The following DENND4C variants were observed in gnomAD, a reference collection of about 807,000 sequenced individuals.
The protein encoded by DENND4C is DENN domain containing 4C.
DENND4C carries 108 observed loss-of-function variants against 203.0 expected under a neutral mutation model. The observed-to-expected ratio is 0.53, with a 90% CI of 0.46 to 0.62. DENND4C has a LOEUF of 0.62. Ranked by LOEUF, DENND4C falls within the 20% of genes least tolerant of loss-of-function variation. The pLI is 0.00. For missense variants in DENND4C, 2,481 were observed against 2,301.2 expected, an observed-to-expected ratio of 1.08 and a Z score of -1.60; for synonymous variants, 871 against 792.4, an observed-to-expected ratio of 1.10 and a Z score of -1.67.
chr9:19,264,915 G>A (rs1341245101), intron 1 of DENND4C, among the ~76,000 whole-genome samples: 1 of 151,764 alleles, frequency 6.6e-6, no homozygotes, highest in Non-Finnish European at 1.5e-5. Context: ...TTTTGATGTA[G>A]GCACTTTTGC....
chr9:19,290,898 T>G, intron 5 of DENND4C, 22 bp downstream of exon 5: 6 of 1,598,098 alleles, frequency 3.8e-6, no homozygotes, highest in African/African-American at 1.3e-5. Flanking sequence ...TCTCATTGAT[T>G]AAACACATTT....
intron 1 of DENND4C, among the ~76,000 whole-genome samples, chr9:19,250,232 C>G (rs151269291): frequency 6.6e-6 from 1 of 152,162 alleles, no homozygotes; most frequent in African/African-American, 2.4e-5. Context: ...CACCTGAGGT[C>G]AGGAGTTCAG....
intron 23 of DENND4C, among the ~76,000 whole-genome samples, chr9:19,349,116 A>G (rs1647946874): frequency 6.6e-6 from 1 of 152,020 alleles, no homozygotes; most frequent in African/African-American, 2.4e-5. Flanking sequence ...TATTTTTGAA[A>G]TTTTATTGAG....
At chr9:19,303,311 T>C (rs1281640167) in intron 9 of DENND4C, among the ~76,000 whole-genome samples, 2 of 152,188 alleles carry the variant, frequency 1.3e-5, no homozygotes, top group East Asian at 3.9e-4. Context: ...TCATTTATTT[T>C]CTCTCTTCCT....
chr9:19,286,723 T>C (rs1321155861), intron 2 of DENND4C, 46 bp from the exon 3 acceptor site: 1 of 1,194,594 alleles, frequency 8.4e-7, no homozygotes, highest in African/African-American at 1.6e-5. Flanking sequence ...TATGTATGTG[T>C]GTATGTATAT....
intron 25 of DENND4C, 34 bp downstream of exon 25, chr9:19,352,216 G>A (rs1824303683): frequency 6.4e-7 from 1 of 1,557,054 alleles, no homozygotes; most frequent in African/African-American, 1.4e-5. Context: ...TGATAAAGTA[G>A]CTGTAAGCAT....
rs200761284 is a variant in DENND4C, at chr9:19,335,019, C to T, written c.2503C>T (p.His835Tyr). The T allele has an allele frequency of 5.0e-5, 80 of 1,610,832 alleles. No individual in the cohort carries two copies. Among genetic ancestry groups the T allele is most frequent in the South Asian group, 7.7e-5 (7 of 90,712 alleles). The change falls in exon 18 of 33, where the codon CAT becomes TAT. Residue 835 changes from histidine to tyrosine, a missense_variant. His to Tyr is a moderately conservative substitution (Grantham distance 83). Around this residue, in one of 3 missense-constraint regions of DENND4C, gnomAD observed 2,289 missense variants for 2,113.3 expected, o/e 1.08. Coordinates refer to ENST00000434457, the MANE Select transcript of DENND4C (RefSeq NM_001330640.2). ...VVMQLCGLWG[H>Y]PVLAVRVLFE... ...GATGCAGCTTTGTGGACTTTGGGGT[C>T]ATCCTGTTTTAGCAGTGAGAGTCTT...
At chr9:19,281,389 T>C (rs146344073) in intron 2 of DENND4C, among the ~76,000 whole-genome samples, 1 of 151,856 alleles carries the variant, frequency 6.6e-6, no homozygotes, top group East Asian at 1.9e-4. Context: ...CTCCTCACTT[T>C]CCCCCCACTC....
At chr9:19,238,449 T>TTCCCC (rs1564074116) in intron 1 of DENND4C, among the ~76,000 whole-genome samples, 4 of 101,190 alleles carry the variant, frequency 4.0e-5, no homozygotes, top group Non-Finnish European at 6.1e-5. Flanking sequence ...TTCTCTTTCC[T>TTCCCC]TCCCCTCCCC....
chr9:19,231,926 A>G (rs1224629141), intron 1 of DENND4C, among the ~76,000 whole-genome samples: 1 of 152,148 alleles, frequency 6.6e-6, no homozygotes, highest in African/African-American at 2.4e-5. Context: ...GGAGAACGTT[A>G]GTGCTAAGGC....
At chr9:19,298,718 A>G (rs1837949633) in intron 7 of DENND4C, among the ~76,000 whole-genome samples, 2 of 152,164 alleles carry the variant, frequency 1.3e-5, no homozygotes, top group Non-Finnish European at 2.9e-5. Flanking sequence ...CTGGACCATA[A>G]CAATTAACTT....
Position 19,345,961 on chromosome 9 carries a change from T to C in DENND4C, c.3192T>C (p.Val1064=), listed in dbSNP as rs1233511144. ...SNVLFSTQDP[V]EDAVFGEATN... is the part of the protein sequence containing the mutation. ...TGCTGTTTTCTACTCAAGATCCAGT[T>C]GAAGATGCAGTCTTTGGCGAAGCTA... The change falls in exon 23 of 33, where the codon GTT becomes GTC. Residue 1064 remains valine (V), a synonymous_variant. Coordinates refer to ENST00000434457, the MANE Select transcript of DENND4C (RefSeq NM_001330640.2). 1.2e-6 allele frequency: 2 copies of C among 1,613,908 alleles called. No individual in the cohort carries two copies. Among genetic ancestry groups the C allele is most frequent in the Non-Finnish European group, 1.7e-6 (2 of 1,179,994 alleles).
intron 12 of DENND4C, among the ~76,000 whole-genome samples, chr9:19,321,851 G>T (rs1302654694): frequency 6.9e-6 from 1 of 145,538 alleles, no homozygotes; most frequent in African/African-American, 2.6e-5. Context: ...AAAAAAAAAA[G>T]AGAAATAGCT....
intron 9 of DENND4C, among the ~76,000 whole-genome samples, chr9:19,303,051 C>T (rs1838918999): frequency 6.6e-6 from 1 of 151,640 alleles, no homozygotes; most frequent in African/African-American, 2.4e-5. Flanking sequence ...GTTGAATATC[C>T]CTTATCTAAA....
At chr9:19,273,651 T>A (rs1031394762) in intron 1 of DENND4C, among the ~76,000 whole-genome samples, 1 of 151,914 alleles carries the variant, frequency 6.6e-6, no homozygotes, top group African/African-American at 2.4e-5. Context: ...AGAAGATATA[T>A]GGATGGAAAA....
chr9:19,346,360 A>G lies in DENND4C; in HGVS notation c.3591A>G (p.Lys1197=). 6.2e-7 allele frequency: 1 copy of G among 1,614,196 alleles called. No individual in the cohort carries two copies. Among genetic ancestry groups the G allele is most frequent in the East Asian group, 2.2e-5 (1 of 44,886 alleles). ...LLEPVVDDVP[K]TTATVDTYES... is the part of the protein sequence containing the mutation. Reference sequence around the variant, plus strand: ...AGCCTGTGGTTGATGACGTACCTAAAACTACTGCAACAGTAGATACATATG... The same window carrying G: ...AGCCTGTGGTTGATGACGTACCTAAGACTACTGCAACAGTAGATACATATG... Residue 1197 remains lysine (K), a synonymous_variant, in exon 23 of 33, where the codon AAA becomes AAG. Transcript: ENST00000434457.
intron 1 of DENND4C, among the ~76,000 whole-genome samples, chr9:19,240,032 T>G (rs1823277363): frequency 6.6e-6 from 1 of 152,212 alleles, no homozygotes; most frequent in Admixed American, 6.5e-5. Flanking sequence ...TCCCTGTGAT[T>G]GTGGAGCTGT....
chr9:19,305,296 T>A, intron 9 of DENND4C, 56 bp from the exon 10 acceptor site: 2 of 1,484,450 alleles, frequency 1.3e-6, no homozygotes, highest in Non-Finnish European at 1.8e-6. Context: ...TAGTTACTTA[T>A]ATATTTTTTA....
At chr9:19,231,135 A>G (rs763058048) in intron 1 of DENND4C, among the ~76,000 whole-genome samples, 181 of 152,270 alleles carry the variant, frequency 1.2e-3, no homozygotes, top group Non-Finnish European at 1.6e-3. Flanking sequence ...GTTTGCGTAC[A>G]AGCGCGAGGG....
Sources: gnomAD v4.1 joint callset for allele counts (sites outside exome capture counted in the v4.1 genomes callset) on GRCh38, gnomAD v4.1.1 for gene constraint, gnomAD v4.1.1 regional missense constraint, MANE v1.5 for transcripts, NCBI Gene and HGNC (gene_info 2026-07-23, HGNC 2026-07-21) for gene names.